LAMA4: variants seen among roughly 807,000 people sequenced by gnomAD.
LAMA4 encodes laminin subunit alpha-4.
In LAMA4, 127 loss-of-function variants were observed where a neutral mutation model predicts 207.1. That is an observed-to-expected ratio of 0.61 (90% confidence interval 0.53 to 0.71). The LOEUF is 0.71. LAMA4 is among the 30% of genes least tolerant of loss of function. LAMA4 has a pLI of 0.00. For synonymous variants in LAMA4, 761 were observed against 816.0 expected, an observed-to-expected ratio of 0.93 and a Z score of 1.15; for missense variants, 2,093 against 2,246.5, an observed-to-expected ratio of 0.93 and a Z score of 1.38.
At chr6:112,233,535 G>C (rs2114282909) in intron 2 of LAMA4, among the ~76,000 whole-genome samples, 1 of 152,322 alleles carries the variant, frequency 6.6e-6, no homozygotes, top group Admixed American at 6.5e-5. Context: ...AGTGCTAAGA[G>C]CTATAATATC....
intron 9 of LAMA4, among the ~76,000 whole-genome samples, chr6:112,184,495 G>C (rs115178391): frequency 0.018 from 2,805 of 152,118 alleles, 44 homozygotes; most frequent in Middle Eastern, 0.058. Context: ...TGTTTTTCCT[G>C]TTAATTCCTG....
rs781947878 is a variant in LAMA4 at position 112,185,332 on chromosome 6, T to C, written c.982A>G (p.Arg328Gly). ...IYLLKTKLSE[R>G]ENQYALRKIQ... ...TTTCTTAGGGCGTATTGGTTTTCTC[T>C]TTCTGACAATTTTGTCTGCAGAAGA... The change falls in exon 9 of 39, where the codon AGA becomes GGA. Residue 328 changes from arginine to glycine, a missense_variant. By Grantham distance (125) the Arg-to-Gly change is moderately radical. Coordinates refer to ENST00000230538, the MANE Select transcript of LAMA4 (RefSeq NM_001105206.3). 1 of 1,607,240 alleles carries C rather than the reference T, an allele frequency of 6.2e-7. No homozygotes were observed. The highest frequency in any genetic ancestry group is 1.1e-5 in the South Asian group (1 of 90,914).
rs192125889 is a variant in LAMA4, at chr6:112,212,167, T to C, written c.297+4201A>G. Among the ~76,000 whole-genome samples the C allele has an allele frequency of 1.8e-3, 277 of 151,674 alleles. 1 individual carries two copies. The highest frequency in any genetic ancestry group is 6.6e-3 in the African/African-American group (272 of 41,322). On this transcript the variant is annotated intron_variant, in intron 3 of 38. Transcript: ENST00000230538. Reference sequence around the variant, plus strand: ...GTATATGGGGAGGACCAAGTTCAGGTTGGGAGAGAAAGGATGAACAATGTA... The same window carrying C: ...GTATATGGGGAGGACCAAGTTCAGGCTGGGAGAGAAAGGATGAACAATGTA...
At chr6:112,155,540 T>A in intron 15 of LAMA4, 25 bp downstream of exon 15, 1 of 1,613,854 alleles carries the variant, frequency 6.2e-7, no homozygotes. Context: ...AGGCAAGGTA[T>A]AAAGAACTTT....
At chr6:112,152,691 T>G (rs1187518588) in intron 16 of LAMA4, among the ~76,000 whole-genome samples, 3 of 152,096 alleles carry the variant, frequency 2.0e-5, no homozygotes, top group African/African-American at 7.2e-5. Context: ...TTGATGTGAT[T>G]GGTTTAATGT....
chr6:112,126,615 A>T (rs903184682), intron 31 of LAMA4, among the ~76,000 whole-genome samples: 2 of 152,220 alleles, frequency 1.3e-5, no homozygotes, highest in Non-Finnish European at 2.9e-5. Flanking sequence ...ATGCTCAAAT[A>T]TATGGAAAAT....
chr6:112,218,195 A>T (rs1307982496), intron 2 of LAMA4: 1 of 152,182 alleles, frequency 6.6e-6, no homozygotes, highest in African/African-American at 2.4e-5. Context: ...GACGGTCTTA[A>T]TATTAGTTAT....
At chr6:112,137,379 A>G (rs1353749159) in intron 24 of LAMA4, among the ~76,000 whole-genome samples, 1 of 152,252 alleles carries the variant, frequency 6.6e-6, no homozygotes, top group Non-Finnish European at 1.5e-5. Flanking sequence ...AACCTGAAAT[A>G]GAGAAGAAAA....
At chr6:112,223,087 G>T (rs1218606036) in intron 2 of LAMA4, among the ~76,000 whole-genome samples, 1 of 151,958 alleles carries the variant, frequency 6.6e-6, no homozygotes, top group East Asian at 1.9e-4. Flanking sequence ...TTCTGCTCTG[G>T]GTTCATCTCA....
At chr6:112,157,684 G>A (rs1780801573) in intron 14 of LAMA4, among the ~76,000 whole-genome samples, 1 of 152,098 alleles carries the variant, frequency 6.6e-6, no homozygotes, top group African/African-American at 2.4e-5. Context: ...ATGGGATGTA[G>A]GTACAAAATG....
intron 12 of LAMA4, among the ~76,000 whole-genome samples, chr6:112,168,796 G>C (rs553613898): frequency 5.9e-5 from 9 of 152,130 alleles, no homozygotes; most frequent in African/African-American, 1.7e-4. Context: ...ATATTCCATA[G>C]TTTTCACTGA....
At chr6:112,217,293 T>C (rs1784683636) in intron 2 of LAMA4, among the ~76,000 whole-genome samples, 1 of 152,240 alleles carries the variant, frequency 6.6e-6, no homozygotes, top group Non-Finnish European at 1.5e-5. Flanking sequence ...AGGCTGTGGA[T>C]ATGCATTTGA....
intron 3 of LAMA4, among the ~76,000 whole-genome samples, chr6:112,207,767 C>T (rs1784147456): frequency 6.6e-6 from 1 of 151,962 alleles, no homozygotes; most frequent in African/African-American, 2.4e-5. Flanking sequence ...GGAGTAAAAG[C>T]ACAAAGCAGG....
chr6:112,133,949 C>T (rs1006522278), intron 26 of LAMA4, among the ~76,000 whole-genome samples: 1 of 152,172 alleles, frequency 6.6e-6, no homozygotes, highest in African/African-American at 2.4e-5. Flanking sequence ...CACAGGTCTT[C>T]AGACTTTTAT....
chr6:112,124,770 T>C (rs1016999872), intron 31 of LAMA4, among the ~76,000 whole-genome samples: 1 of 151,968 alleles, frequency 6.6e-6, no homozygotes, highest in Admixed American at 6.6e-5. Context: ...TTTTTTTTTT[T>C]TTTTTGAGAC....
rs1778199303 is a variant in LAMA4, at chr6:112,119,155, C to G, written c.4821+1G>C. ...GCTCTACCTGGTCATGCCTGGCTTA[C>G]CTGAACATTTTTCACAGCCTTTCCA... On this transcript the variant is annotated splice_donor_variant, in intron 34 of 38. Transcript: ENST00000230538. LOFTEE classifies it high-confidence loss of function. 3 of 1,613,668 alleles carry G rather than the reference C, an allele frequency of 1.9e-6. No homozygotes were observed. In the South Asian group the frequency reaches 3.3e-5, roughly 18 times the overall value.
chr6:112,131,291 CACATTTCAGTAGA>C (rs1779017623), intron 28 of LAMA4, among the ~76,000 whole-genome samples, 190 bp from the exon 29 acceptor site: 1 of 152,106 alleles, frequency 6.6e-6, no homozygotes, highest in Admixed American at 6.6e-5. Context: ...TAAAATTAGA[CACATTTCAGTAGA>C]AAAATGTATC....
intron 3 of LAMA4, 126 bp from the exon 4 acceptor site, chr6:112,207,271 C>A: frequency 2.0e-6 from 2 of 1,017,728 alleles, no homozygotes; most frequent in Non-Finnish European, 3.0e-6. Flanking sequence ...AGACTGTATG[C>A]GGCAGTACAG....
intron 13 of LAMA4, among the ~76,000 whole-genome samples, chr6:112,159,854 T>C (rs1341029692): frequency 6.6e-6 from 1 of 152,168 alleles, no homozygotes; most frequent in African/African-American, 2.4e-5. Context: ...AATAACTCTA[T>C]AGGCTCTGCT....
Sources: gnomAD v4.1 joint callset for allele counts (sites outside exome capture counted in the v4.1 genomes callset) on GRCh38, gnomAD v4.1.1 for gene constraint, MANE v1.5 for transcripts, NCBI Gene and HGNC (gene_info 2026-07-23, HGNC 2026-07-21) for gene names.